The following SYT1 variants were observed in gnomAD, a reference collection of about 807,000 sequenced individuals.
SYT1 encodes the protein synaptotagmin-1.
SYT1 carries 8 observed loss-of-function variants against 44.8 expected under a neutral mutation model. The observed-to-expected ratio is 0.18, with a 90% CI of 0.10 to 0.32. SYT1 has a LOEUF of 0.32. Among genes scored for constraint, SYT1 ranks in the 10% least tolerant of loss-of-function variants. The pLI is 1.00. For missense variants in SYT1, 286 were observed against 509.3 expected (o/e 0.56, Z 4.22); for synonymous variants, 154 against 188.8 (o/e 0.82, Z 1.51).
At chr12:79,253,722 G>A (rs189535697) in intron 4 of SYT1, among the ~76,000 whole-genome samples, 190 of 152,200 alleles carry the variant, frequency 1.2e-3, no homozygotes, top group Non-Finnish European at 2.0e-3. Context: ...TAGTCATCTC[G>A]CACAACTTAG....
intron 3 of SYT1, among the ~76,000 whole-genome samples, chr12:79,148,364 A>T (rs1255859620): frequency 1.3e-5 from 2 of 152,120 alleles, no homozygotes; most frequent in Non-Finnish European, 2.9e-5. Context: ...TTCAGTGATA[A>T]TCTTTTTTTC....
chr12:79,313,450 A>T (rs1351543919), intron 8 of SYT1, among the ~76,000 whole-genome samples: 4 of 152,222 alleles, frequency 2.6e-5, no homozygotes, highest in Non-Finnish European at 5.9e-5. Flanking sequence ...GATAAAAATG[A>T]AGCAGATTGC....
chr12:79,297,491 G>C (rs1471509947), intron 7 of SYT1, among the ~76,000 whole-genome samples: 2 of 151,986 alleles, frequency 1.3e-5, no homozygotes, highest in African/African-American at 2.4e-5. Context: ...AATTATATGA[G>C]CTAATGTATT....
intron 3 of SYT1, among the ~76,000 whole-genome samples, chr12:79,165,554 G>T (rs867115154): frequency 6.6e-6 from 1 of 151,876 alleles, no homozygotes; most frequent in Non-Finnish European, 1.5e-5. Flanking sequence ...TCAAGCAGAC[G>T]CCTTAGAAAT....
At chr12:79,279,204 C>T (rs186744167) in intron 4 of SYT1, among the ~76,000 whole-genome samples, 16 of 151,358 alleles carry the variant, frequency 1.1e-4, no homozygotes, top group East Asian at 5.8e-4. Context: ...AGGACACAGC[C>T]GAATAGGAAA....
chr12:79,367,725 T>A (rs1392791877), intron 9 of SYT1, among the ~76,000 whole-genome samples: 1 of 152,032 alleles, frequency 6.6e-6, no homozygotes. Context: ...ACGTCTGCCT[T>A]CTCCTTAAAT....
At chr12:79,007,270 C>T (rs1026807701) in intron 2 of SYT1, among the ~76,000 whole-genome samples, 1 of 152,118 alleles carries the variant, frequency 6.6e-6, no homozygotes, top group East Asian at 1.9e-4. Flanking sequence ...TGTGATGCTT[C>T]GTTAAGTACT....
At chr12:79,279,472 A>C (rs1878923992) in intron 4 of SYT1, among the ~76,000 whole-genome samples, 1 of 152,132 alleles carries the variant, frequency 6.6e-6, no homozygotes, top group South Asian at 2.1e-4. Flanking sequence ...AATTCTCCAC[A>C]AACTAGGAAT....
chr12:79,377,629 A>G (rs2136064454), intron 9 of SYT1, among the ~76,000 whole-genome samples: 1 of 152,344 alleles, frequency 6.6e-6, no homozygotes, highest in African/African-American at 2.4e-5. Flanking sequence ...CCTGAAATCT[A>G]ATCACATTTA....
intron 9 of SYT1, among the ~76,000 whole-genome samples, chr12:79,379,410 TCCAA>T (rs1884128691): frequency 6.6e-6 from 1 of 152,156 alleles, no homozygotes; most frequent in Admixed American, 6.5e-5. Context: ...TGTGTACCAT[TCCAA>T]GGAGTCCTCT....
intron 1 of SYT1, among the ~76,000 whole-genome samples, chr12:78,926,295 G>T (rs1026505086): frequency 6.6e-6 from 1 of 152,054 alleles, no homozygotes; most frequent in African/African-American, 2.4e-5. Context: ...TAAAGAGAAA[G>T]CTTTGATTCT....
intron 1 of SYT1, among the ~76,000 whole-genome samples, chr12:78,904,242 A>C (rs1400134788): frequency 6.6e-6 from 1 of 152,130 alleles, no homozygotes; most frequent in Non-Finnish European, 1.5e-5. Context: ...TGAGATTTTA[A>C]ATTGGTCATG....
At chr12:79,430,333 C>A (rs1484757857) in intron 9 of SYT1, among the ~76,000 whole-genome samples, 1 of 152,222 alleles carries the variant, frequency 6.6e-6, no homozygotes, top group African/African-American at 2.4e-5. Context: ...CACACACGGT[C>A]TTAGGCTATC....
intron 1 of SYT1, among the ~76,000 whole-genome samples, chr12:78,963,256 GT>G (rs1879607810): frequency 6.6e-6 from 1 of 151,946 alleles, no homozygotes; most frequent in Non-Finnish European, 1.5e-5. Context: ...CATGACATTG[GT>G]TTTTGCAATG....
chr12:79,193,517 A>G (rs1307100015), intron 3 of SYT1, among the ~76,000 whole-genome samples: 4 of 152,168 alleles, frequency 2.6e-5, no homozygotes, highest in Non-Finnish European at 5.9e-5. Context: ...ATTTACTTTC[A>G]TTTCCTGGCT....
At chr12:79,157,376 A>C (rs1252001500) in intron 3 of SYT1, among the ~76,000 whole-genome samples, 3 of 152,194 alleles carry the variant, frequency 2.0e-5, no homozygotes, top group Admixed American at 6.5e-5. Flanking sequence ...ACACTAGGTG[A>C]AAAAACCAAA....
intron 9 of SYT1, among the ~76,000 whole-genome samples, chr12:79,410,506 C>CAAAAAATAAAA (rs1868371715): frequency 1.3e-5 from 1 of 75,916 alleles, no homozygotes; most frequent in East Asian, 3.9e-4. Flanking sequence ...TGTTCAAAGT[C>CAAAAAATAAAA]AAAAAAAAAA....
At chr12:79,365,937 T>C (rs993168507) in intron 9 of SYT1, among the ~76,000 whole-genome samples, 2 of 151,472 alleles carry the variant, frequency 1.3e-5, no homozygotes, top group African/African-American at 4.9e-5. Context: ...TCCAGCAGCA[T>C]TATTATGATA....
intron 9 of SYT1, among the ~76,000 whole-genome samples, chr12:79,438,969 A>T (rs1457023787): frequency 1.3e-5 from 2 of 152,168 alleles, no homozygotes; most frequent in African/African-American, 4.8e-5. Context: ...AGTAGAAAGG[A>T]GTCACGAGAA....
Sources: allele counts gnomAD v4.1 joint callset (sites outside exome capture counted in the v4.1 genomes callset), GRCh38; gene constraint gnomAD v4.1.1; transcripts MANE v1.5; gene names NCBI Gene and HGNC (gene_info 2026-07-23, HGNC 2026-07-21).